CEP112: variants seen among roughly 807,000 people sequenced by gnomAD.
CEP112 encodes the protein centrosomal protein 112, also known as centrosomal protein of 112 kDa.
CEP112 carries 127 observed loss-of-function variants against 153.0 expected under a neutral mutation model. That is an observed-to-expected ratio of 0.83 (90% CI 0.72 to 0.96). The LOEUF (loss-of-function observed/expected upper bound fraction) is 0.96, where lower values mean the gene tolerates loss of function less well. CEP112 is among the 40% of genes least tolerant of loss of function. CEP112 has a pLI of 0.00. For missense variants in CEP112, 1,089 were observed against 1,101.2 expected, an observed-to-expected ratio of 0.99 and a Z score of 0.16; for synonymous variants, 358 against 374.4, an observed-to-expected ratio of 0.96 and a Z score of 0.51.
At chr17:66,181,234 GA>G (rs1259616998) in intron 2 of CEP112, among the ~76,000 whole-genome samples, 1 of 152,144 alleles carries the variant, frequency 6.6e-6, no homozygotes, top group East Asian at 1.9e-4. Flanking sequence ...TTTAAGATGT[GA>G]GTTTCAGATT....
chr17:66,075,085 A>C (rs923825032), intron 8 of CEP112, among the ~76,000 whole-genome samples: 2 of 152,110 alleles, frequency 1.3e-5, no homozygotes, highest in Non-Finnish European at 2.9e-5. Context: ...AAAGATGAAA[A>C]CTTAGAAACT....
At chr17:65,683,070 A>G (rs149254681) in intron 24 of CEP112, among the ~76,000 whole-genome samples, 1 of 152,112 alleles carries the variant, frequency 6.6e-6, no homozygotes, top group Admixed American at 6.6e-5. Flanking sequence ...CACTTTTCCC[A>G]CTAGATCACG....
intron 19 of CEP112, among the ~76,000 whole-genome samples, chr17:65,926,494 C>A (rs2060929350): frequency 6.6e-6 from 1 of 152,142 alleles, no homozygotes; most frequent in Non-Finnish European, 1.5e-5. Flanking sequence ...GGGCAGATCA[C>A]CTGAAATCAG....
intron 4 of CEP112, among the ~76,000 whole-genome samples, chr17:66,173,500 A>C (rs2072333404): frequency 6.6e-6 from 1 of 152,230 alleles, no homozygotes; most frequent in Admixed American, 6.5e-5. Flanking sequence ...TCTAAGCTCT[A>C]AGATACAGGA....
At chr17:65,789,582 T>C (rs1393239500) in intron 21 of CEP112, among the ~76,000 whole-genome samples, 1 of 152,188 alleles carries the variant, frequency 6.6e-6, no homozygotes, top group East Asian at 1.9e-4. Context: ...CACCAGACTT[T>C]AGTTCCCTGA....
chr17:66,051,409 A>G (rs2066436647), intron 12 of CEP112, among the ~76,000 whole-genome samples: 1 of 149,006 alleles, frequency 6.7e-6, no homozygotes, highest in South Asian at 2.1e-4. Context: ...TATATATTAT[A>G]TACTTAATTT....
At chr17:65,938,182 G>T (rs1454448842) in intron 18 of CEP112, among the ~76,000 whole-genome samples, 5 of 134,138 alleles carry the variant, frequency 3.7e-5, no homozygotes, top group African/African-American at 1.3e-4. Context: ...TTAAGGGCGG[G>T]GCAAGATGTG....
chr17:65,864,532 ATTAG>A (rs1167569935), intron 20 of CEP112, among the ~76,000 whole-genome samples: 8 of 152,266 alleles, frequency 5.3e-5, no homozygotes, highest in African/African-American at 1.7e-4. Context: ...CACAAACACA[ATTAG>A]TTAGTGATAC....
intron 21 of CEP112, among the ~76,000 whole-genome samples, chr17:65,824,562 G>T (rs1420284169): frequency 6.6e-6 from 1 of 152,246 alleles, no homozygotes; most frequent in Non-Finnish European, 1.5e-5. Flanking sequence ...TGAAGAGTTA[G>T]AGGAATACAA....
chr17:66,170,517 C>G (rs925421798), intron 4 of CEP112, among the ~76,000 whole-genome samples: 16 of 152,120 alleles, frequency 1.1e-4, no homozygotes, highest in African/African-American at 3.4e-4. Context: ...GTAATCCCAG[C>G]ACTTTGAGAG....
intron 12 of CEP112, among the ~76,000 whole-genome samples, chr17:66,034,627 A>G (rs961078151): frequency 2.0e-5 from 3 of 152,092 alleles, no homozygotes; most frequent in Non-Finnish European, 4.4e-5. Flanking sequence ...AAAAATGCTC[A>G]GATAAAAGCA....
intron 21 of CEP112, among the ~76,000 whole-genome samples, chr17:65,843,492 T>G (rs1001925403): frequency 4.6e-5 from 7 of 152,150 alleles, no homozygotes; most frequent in Non-Finnish European, 7.4e-5. Context: ...AAAAGTGAGG[T>G]TGGAAATCCA....
intron 23 of CEP112, among the ~76,000 whole-genome samples, chr17:65,712,822 G>A (rs1280211872): frequency 1.3e-5 from 2 of 152,100 alleles, no homozygotes; most frequent in Non-Finnish European, 2.9e-5. Context: ...GGGTGCTGTG[G>A]GCGATACTCA....
chr17:65,977,968 A>AG (rs2063097846), intron 17 of CEP112, among the ~76,000 whole-genome samples: 1 of 152,072 alleles, frequency 6.6e-6, no homozygotes. Context: ...CCAGCTACTC[A>AG]GGGGGCTGAG....
At chr17:65,917,834 T>C (rs1446533884) in intron 19 of CEP112, among the ~76,000 whole-genome samples, 3 of 151,942 alleles carry the variant, frequency 2.0e-5, no homozygotes, top group Non-Finnish European at 4.4e-5. Context: ...TTCCTCCCTC[T>C]CTTCCTTTCC....
intron 26 of CEP112, among the ~76,000 whole-genome samples, chr17:65,636,205 T>C (rs1773280823): frequency 6.6e-6 from 1 of 152,176 alleles, no homozygotes; most frequent in South Asian, 2.1e-4. Context: ...CAAAGCCAAA[T>C]AAGTAGTTCA....
At chr17:66,068,310 A>C (rs1261597968) in intron 9 of CEP112, among the ~76,000 whole-genome samples, 1 of 152,110 alleles carries the variant, frequency 6.6e-6, no homozygotes, top group Non-Finnish European at 1.5e-5. Flanking sequence ...GCACAGTAGC[A>C]CATGCATATA....
At chr17:65,945,566 G>C (rs2061624472) in intron 18 of CEP112, among the ~76,000 whole-genome samples, 1 of 152,052 alleles carries the variant, frequency 6.6e-6, no homozygotes, top group African/African-American at 2.4e-5. Flanking sequence ...TTTCATTTAA[G>C]GCATTCCATT....
At chr17:65,916,287 G>GTGTGTGTGTGTA (rs138734881) in intron 19 of CEP112, among the ~76,000 whole-genome samples, 114 of 147,582 alleles carry the variant, frequency 7.7e-4, no homozygotes, top group African/African-American at 1.6e-3. Flanking sequence ...GTGTGTGTGT[G>GTGTGTGTGTGTA]TGTGTATGTG....
Sources: gnomAD v4.1 joint callset for allele counts (sites outside exome capture counted in the v4.1 genomes callset) on GRCh38, gnomAD v4.1.1 for gene constraint, MANE v1.5 for transcripts, NCBI Gene and HGNC (gene_info 2026-07-23, HGNC 2026-07-21) for gene names.